STXBP6: variants seen among roughly 807,000 people sequenced by gnomAD.
STXBP6 encodes syntaxin binding protein 6, also known as syntaxin-binding protein 6.
STXBP6 carries 21 observed loss-of-function variants against 26.9 expected under a neutral mutation model. The ratio of observed to expected loss-of-function variants is 0.78; its 90% CI spans 0.55 to 1.12. STXBP6 has a LOEUF of 1.12. STXBP6 is among the 50% of genes most tolerant of loss of function. The pLI is 0.00. For missense variants in STXBP6, 232 were observed against 257.9 expected, an observed-to-expected ratio of 0.90 and a Z score of 0.69; for synonymous variants, 97 against 92.6, an observed-to-expected ratio of 1.05 and a Z score of -0.27.
intron 1 of STXBP6, among the ~76,000 whole-genome samples, chr14:25,012,447 A>G (rs1374118759): frequency 6.6e-6 from 1 of 152,050 alleles, no homozygotes. Flanking sequence ...CCAATATGGC[A>G]AAGCCCCATC....
Position 24,928,593 on chromosome 14 carries a change from T to C in STXBP6, c.154+46072A>G, listed in dbSNP as rs1595129025. ...CTTTTGACACCACTTTCCAGCTCTTTAGCAACTGCTTCAGATACTGATAAA... is the reference window on the plus strand; with the variant it reads ...CTTTTGACACCACTTTCCAGCTCTTCAGCAACTGCTTCAGATACTGATAAA... On this transcript the variant is annotated intron_variant, in intron 2 of 5. Coordinates refer to ENST00000323944, the MANE Select transcript of STXBP6 (RefSeq NM_001394410.1). Among the ~76,000 whole-genome samples the C allele has an allele frequency of 5.3e-5, 8 of 152,306 alleles. No individual in the cohort carries two copies. In the South Asian group the frequency reaches 1.7e-3, roughly 32 times the overall value.
At chr14:24,943,792 C>G (rs1279267390) in intron 2 of STXBP6, among the ~76,000 whole-genome samples, 1 of 152,120 alleles carries the variant, frequency 6.6e-6, no homozygotes, top group Admixed American at 6.5e-5. Context: ...TTAAATAAAT[C>G]ACTAAAAATT....
chr14:24,909,439 T>C (rs191320383), intron 2 of STXBP6, among the ~76,000 whole-genome samples: 346 of 152,310 alleles, frequency 2.3e-3, no homozygotes, highest in Admixed American at 7.7e-3. Flanking sequence ...GAATCAATTA[T>C]AAAGTAAGAC....
chr14:24,917,246 C>T (rs1048888566), intron 2 of STXBP6, among the ~76,000 whole-genome samples: 5 of 152,076 alleles, frequency 3.3e-5, no homozygotes, highest in South Asian at 2.1e-4. Context: ...AGGAATGACA[C>T]AAAAACTAGA....
intron 1 of STXBP6, among the ~76,000 whole-genome samples, chr14:25,025,212 T>C (rs540360862): frequency 6.6e-6 from 1 of 152,290 alleles, no homozygotes; most frequent in East Asian, 1.9e-4. Flanking sequence ...ATTTTGTATT[T>C]CCCACAACAC....
intron 2 of STXBP6, among the ~76,000 whole-genome samples, chr14:24,877,430 T>A (rs854403): frequency 2.3e-4 from 35 of 151,936 alleles, no homozygotes; most frequent in Non-Finnish European, 4.1e-4. Context: ...TACCTTTAGA[T>A]AATTTCTTTA....
In STXBP6 at chr14:24,873,881, C is replaced by A. The variant is rs145013998; in HGVS notation, c.155-16724G>T. The stretch of plus-strand genomic sequence containing the variant: ...GGCTGTGTCTGCCTGAACTCCTGTG[C>A]ATACTCTTTTCCTAAGACAATATGT... On this transcript the variant is annotated intron_variant, in intron 2 of 5. Transcript: ENST00000323944. 4.2e-4 allele frequency among the ~76,000 whole-genome samples: 64 copies of A among 152,294 alleles called. No individual in the cohort carries two copies. The East Asian group carries it at 5.6e-3, about 13-fold the overall frequency.
intron 4 of STXBP6, among the ~76,000 whole-genome samples, chr14:24,826,887 T>C (rs1338751610): frequency 6.6e-6 from 1 of 152,150 alleles, no homozygotes; most frequent in Non-Finnish European, 1.5e-5. Flanking sequence ...TTTTCATTGG[T>C]TTAATGTCAA....
At chr14:24,897,591 C>T (rs2071044421) in intron 2 of STXBP6, among the ~76,000 whole-genome samples, 2 of 152,164 alleles carry the variant, frequency 1.3e-5, no homozygotes, top group Non-Finnish European at 2.9e-5. Context: ...GGAGATGTTA[C>T]ATAAAATTTA....
At chr14:24,829,614 AGT>A (rs2068395492) in intron 4 of STXBP6, among the ~76,000 whole-genome samples, 1 of 152,148 alleles carries the variant, frequency 6.6e-6, no homozygotes, top group South Asian at 2.1e-4. Context: ...ATAATCACCT[AGT>A]AATTCATACT....
chr14:25,011,990 T>C (rs1177487531), intron 1 of STXBP6, among the ~76,000 whole-genome samples: 1 of 152,180 alleles, frequency 6.6e-6, no homozygotes, highest in Non-Finnish European at 1.5e-5. Context: ...CTGTTTTTTG[T>C]TTTTGTTTGT....
chr14:24,867,504 T>C (rs2069766263), intron 2 of STXBP6, among the ~76,000 whole-genome samples: 1 of 152,150 alleles, frequency 6.6e-6, no homozygotes, highest in African/African-American at 2.4e-5. Context: ...CCTGTACATA[T>C]GTGGAAAACT....
chr14:25,012,553 T>C (rs1225540969), intron 1 of STXBP6, among the ~76,000 whole-genome samples: 1 of 152,032 alleles, frequency 6.6e-6, no homozygotes, highest in African/African-American at 2.4e-5. Context: ...TGAGCTGAGA[T>C]TGCACCACTG....
Position 24,874,708 on chromosome 14 carries a change from A to G in STXBP6, c.155-17551T>C, listed in dbSNP as rs961275678. Among the ~76,000 whole-genome samples, 18 of 152,302 alleles carry G rather than the reference A, an allele frequency of 1.2e-4. No individual in the cohort carries two copies. In the East Asian group the frequency reaches 3.3e-3, roughly 28 times the overall value. On this transcript the variant is annotated intron_variant, in intron 2 of 5. Transcript: ENST00000323944. Reference sequence around the variant, plus strand: ...AAAAAAGTTGTTTGCTGAGACAACAAAGTAGAAGGAAATTTATGTGAGAAT... The same window carrying G: ...AAAAAAGTTGTTTGCTGAGACAACAGAGTAGAAGGAAATTTATGTGAGAAT...
chr14:24,954,068 T>G (rs1339135817), intron 2 of STXBP6, among the ~76,000 whole-genome samples: 2 of 152,070 alleles, frequency 1.3e-5, no homozygotes, highest in African/African-American at 4.8e-5. Flanking sequence ...TGACCAGCAT[T>G]TTTTCAGAGA....
chr14:24,984,180 C>T (rs942719803), intron 1 of STXBP6, among the ~76,000 whole-genome samples: 2 of 151,942 alleles, frequency 1.3e-5, no homozygotes, highest in African/African-American at 2.4e-5. Context: ...TGCAGTGAGC[C>T]GAGATCGTGC....
intron 2 of STXBP6, among the ~76,000 whole-genome samples, chr14:24,948,141 A>G (rs1055211417): frequency 5.9e-5 from 9 of 152,160 alleles, no homozygotes; most frequent in African/African-American, 2.2e-4. Context: ...GGAGAAAGCA[A>G]AAATGTTTCA....
chr14:24,871,429 G>A (rs779015207), intron 2 of STXBP6, among the ~76,000 whole-genome samples: 2 of 152,184 alleles, frequency 1.3e-5, no homozygotes, highest in Non-Finnish European at 2.9e-5. Flanking sequence ...CTGTTGGTAG[G>A]TGTAACTAGT....
chr14:24,994,197 G>A (rs2074542209), intron 1 of STXBP6, among the ~76,000 whole-genome samples: 1 of 152,170 alleles, frequency 6.6e-6, no homozygotes, highest in Non-Finnish European at 1.5e-5. Flanking sequence ...CTAAAAATGG[G>A]ATTGTGGGAT....
Sources: allele counts gnomAD v4.1 joint callset (sites outside exome capture counted in the v4.1 genomes callset), GRCh38; gene constraint gnomAD v4.1.1; transcripts MANE v1.5; gene names NCBI Gene and HGNC (gene_info 2026-07-23, HGNC 2026-07-21).